Variants in TANGO6 observed in about 807,000 individuals in gnomAD.
TANGO6 encodes the protein transport and golgi organization 6 homolog.
TANGO6 carries 90 observed loss-of-function variants against 114.2 expected under a neutral mutation model. The ratio of observed to expected loss-of-function variants is 0.79; its 90% CI spans 0.66 to 0.94. The LOEUF (loss-of-function observed/expected upper bound fraction) is 0.94, where lower values mean the gene tolerates loss of function less well. TANGO6 is among the 40% of genes least tolerant of loss of function. TANGO6 has a pLI of 0.00. For missense variants in TANGO6, 1,274 were observed against 1,315.3 expected, an observed-to-expected ratio of 0.97 and a Z score of 0.49; for synonymous variants, 477 against 509.8, an observed-to-expected ratio of 0.94 and a Z score of 0.87.
intron 14 of TANGO6, among the ~76,000 whole-genome samples, chr16:68,933,064 G>A (rs1299950855): frequency 6.6e-6 from 1 of 152,150 alleles, no homozygotes; most frequent in African/African-American, 2.4e-5. Flanking sequence ...AGGTAATAAT[G>A]TGGTGATCTC....
At chr16:68,878,627 C>G (rs1457152588) in intron 6 of TANGO6, among the ~76,000 whole-genome samples, 1 of 152,134 alleles carries the variant, frequency 6.6e-6, no homozygotes, top group Non-Finnish European at 1.5e-5. Flanking sequence ...AGAAAAATGT[C>G]AGTCTCCTAC....
intron 15 of TANGO6, among the ~76,000 whole-genome samples, chr16:68,996,688 C>T (rs1963993179): frequency 6.6e-6 from 1 of 152,066 alleles, no homozygotes; most frequent in Non-Finnish European, 1.5e-5. Context: ...TTTCTGGATC[C>T]CTTTTTTCAG....
intron 9 of TANGO6, among the ~76,000 whole-genome samples, chr16:68,906,431 T>A (rs531339006): frequency 1.3e-5 from 2 of 152,316 alleles, no homozygotes; most frequent in East Asian, 3.9e-4. Context: ...TTGAATGACA[T>A]CCAAGGCCTT....
At chr16:68,966,543 TAAAC>T (rs768292571) in intron 14 of TANGO6, among the ~76,000 whole-genome samples, 1 of 151,900 alleles carries the variant, frequency 6.6e-6, no homozygotes, top group Non-Finnish European at 1.5e-5. Context: ...AATAATGAAA[TAAAC>T]AATGCACTGG....
At chr16:68,950,427 A>G (rs756464851) in intron 14 of TANGO6, among the ~76,000 whole-genome samples, 29 of 152,050 alleles carry the variant, frequency 1.9e-4, no homozygotes, top group Non-Finnish European at 3.8e-4. Flanking sequence ...TTAGCTGGGC[A>G]TAGTATGGGT....
chr16:68,914,512 G>A (rs1003731252), intron 11 of TANGO6, among the ~76,000 whole-genome samples: 1 of 152,154 alleles, frequency 6.6e-6, no homozygotes, highest in Admixed American at 6.6e-5. Context: ...AACTAAAAGT[G>A]GTTGCTTCTG....
intron 4 of TANGO6, 31 bp from the exon 5 acceptor site, chr16:68,875,123 G>A: frequency 3.8e-6 from 6 of 1,594,642 alleles, no homozygotes; most frequent in Non-Finnish European, 5.1e-6. Flanking sequence ...GAATTGCTGT[G>A]AGCTGCTAAC....
chr16:69,048,919 G>C (rs1959903449), intron 17 of TANGO6, among the ~76,000 whole-genome samples: 1 of 152,118 alleles, frequency 6.6e-6, no homozygotes, highest in Non-Finnish European at 1.5e-5. Context: ...GGAAGCTGAT[G>C]AACAGCAAAA....
At chr16:68,979,844 G>A (rs975539237) in intron 15 of TANGO6, among the ~76,000 whole-genome samples, 1 of 146,666 alleles carries the variant, frequency 6.8e-6, no homozygotes, top group Non-Finnish European at 1.5e-5. Flanking sequence ...TTTGTTTTTT[G>A]ACTTTTTTTT....
chr16:68,902,542 A>G, intron 9 of TANGO6, 38 bp downstream of exon 9: 1 of 1,522,736 alleles, frequency 6.6e-7, no homozygotes, highest in South Asian at 1.3e-5. Flanking sequence ...CTTCAGATTT[A>G]GTTCCGCCCA....
chr16:68,858,851 A>C (rs1416867646), intron 1 of TANGO6, among the ~76,000 whole-genome samples: 1 of 152,226 alleles, frequency 6.6e-6, no homozygotes, highest in Non-Finnish European at 1.5e-5. Context: ...AGTTATATCC[A>C]ACAAATATTG....
chr16:68,896,785 T>C (rs900956566), intron 7 of TANGO6, among the ~76,000 whole-genome samples: 24 of 152,224 alleles, frequency 1.6e-4, no homozygotes, highest in African/African-American at 2.4e-4. Context: ...ATTTATCAGA[T>C]TGAAACAGAA....
At chr16:68,968,857 A>AG (rs1228812332) in intron 14 of TANGO6, among the ~76,000 whole-genome samples, 11 of 145,730 alleles carry the variant, frequency 7.5e-5, no homozygotes, top group Admixed American at 7.0e-5. Context: ...TTTTTAGTAG[A>AG]AACGGGGTTT....
chr16:68,859,603 C>T (rs1962055933), intron 1 of TANGO6, among the ~76,000 whole-genome samples: 1 of 152,180 alleles, frequency 6.6e-6, no homozygotes, highest in African/African-American at 2.4e-5. Flanking sequence ...ATGATTAAGA[C>T]CTGGTCTCTG....
intron 15 of TANGO6, among the ~76,000 whole-genome samples, chr16:68,987,079 A>G (rs1035442774): frequency 3.3e-5 from 5 of 152,158 alleles, no homozygotes; most frequent in African/African-American, 9.7e-5. Context: ...AAACAGCTGC[A>G]TATTTTATAG....
At chr16:68,903,921 CAA>C (rs879335112) in intron 9 of TANGO6, among the ~76,000 whole-genome samples, 7 of 118,022 alleles carry the variant, frequency 5.9e-5, no homozygotes, top group Non-Finnish European at 3.6e-5. Context: ...GACTCTGTCT[CAA>C]AAAAAAAAAA....
At chr16:68,957,397 ATTT>A (rs57031701) in intron 14 of TANGO6, among the ~76,000 whole-genome samples, 14 of 134,100 alleles carry the variant, frequency 1.0e-4, no homozygotes, top group African/African-American at 1.7e-4. Context: ...GCATAACACT[ATTT>A]TTTTTTTTTT....
rs572968516 is a variant in TANGO6, at chr16:68,934,270, C to A, written c.2701+3975C>A. ...TCACTATGTTGCCCAGGCTCAAACT[C>A]CTAGACTTAAGCAATCCTCTTACTT... is the stretch of plus-strand genomic sequence containing the variant. On this transcript the variant is annotated intron_variant, in intron 14 of 17. Transcript: ENST00000261778. Among the ~76,000 whole-genome samples, 6 of 152,156 alleles carry A rather than the reference C, an allele frequency of 3.9e-5. No homozygotes were observed. In the South Asian group the frequency reaches 1.2e-3, roughly 32 times the overall value.
At chr16:69,028,617 C>A (rs111404864) in intron 16 of TANGO6, among the ~76,000 whole-genome samples, 30,521 of 151,440 alleles carry the variant, frequency 0.2, 3,293 homozygotes, top group African/African-American at 0.27. Context: ...TGGGTGACAG[C>A]GCGAGACTTT....
Sources: allele counts gnomAD v4.1 joint callset (sites outside exome capture counted in the v4.1 genomes callset), GRCh38; gene constraint gnomAD v4.1.1; transcripts MANE v1.5; gene names NCBI Gene and HGNC (gene_info 2026-07-23, HGNC 2026-07-21).